The following EFCAB6 variants were observed in gnomAD, a reference collection of about 807,000 sequenced individuals.
EFCAB6 encodes EF-hand calcium binding domain 6.
A neutral mutation model predicts 169.8 loss-of-function variants in EFCAB6; 156 were observed. That is an observed-to-expected ratio of 0.92 (90% CI 0.81 to 1.05). EFCAB6 has a LOEUF of 1.05. Among genes scored for constraint, EFCAB6 ranks in the 50% least tolerant of loss-of-function variants. The pLI is 0.00. For missense variants in EFCAB6, 1,800 were observed against 1,829.1 expected (o/e 0.98, Z 0.29); for synonymous variants, 698 against 676.4 (o/e 1.03, Z -0.50).
At chr22:43,651,947 G>T (rs1392180291) in intron 17 of EFCAB6, among the ~76,000 whole-genome samples, 1 of 152,168 alleles carries the variant, frequency 6.6e-6, no homozygotes, top group East Asian at 1.9e-4. Context: ...CAACTAACTT[G>T]CTTTTGATTT....
At chr22:43,639,549 A>G (rs1012854655) in intron 17 of EFCAB6, among the ~76,000 whole-genome samples, 4 of 152,058 alleles carry the variant, frequency 2.6e-5, no homozygotes, top group Non-Finnish European at 5.9e-5. Flanking sequence ...CCCTGTTTGT[A>G]ATGTGTCATT....
chr22:43,657,509 T>C (rs1278984540), intron 17 of EFCAB6, among the ~76,000 whole-genome samples: 3 of 149,974 alleles, frequency 2.0e-5, no homozygotes, highest in African/African-American at 7.4e-5. Context: ...AAGAAAACAA[T>C]CACAAGGAGA....
intron 3 of EFCAB6, among the ~76,000 whole-genome samples, chr22:43,775,634 G>C (rs535071804): frequency 1.3e-5 from 2 of 152,302 alleles, no homozygotes; most frequent in African/African-American, 2.4e-5. Flanking sequence ...AATACAGACG[G>C]GGTTTCACTA....
intron 2 of EFCAB6, among the ~76,000 whole-genome samples, chr22:43,786,117 C>T (rs546474794): frequency 1.2e-4 from 19 of 152,160 alleles, no homozygotes; most frequent in African/African-American, 4.6e-4. Flanking sequence ...AATCCCAGCA[C>T]TTTGGGAGGC....
Position 43,572,757 on chromosome 22 carries a change from G to A in EFCAB6, c.3420+3540C>T, listed in dbSNP as rs1483441818. ...CCCAGCTGCTGCTGGAACCTGACATGTGACGGAGTCACTCACTCCTGCTCT... is the reference window on the plus strand; with the variant it reads ...CCCAGCTGCTGCTGGAACCTGACATATGACGGAGTCACTCACTCCTGCTCT... On this transcript the variant is annotated intron_variant, in intron 26 of 31. Transcript: ENST00000262726. This position sits in a 1 kb window ranked among gnomAD's most constrained non-coding sequence, Gnocchi z 4.0. 6.6e-6 allele frequency among the ~76,000 whole-genome samples: 1 copy of A among 152,224 alleles called. No homozygotes were observed. The highest frequency in any genetic ancestry group is 1.5e-5 in the Non-Finnish European group (1 of 68,044).
At chr22:43,649,251 T>C (rs541695707) in intron 17 of EFCAB6, among the ~76,000 whole-genome samples, 2 of 152,308 alleles carry the variant, frequency 1.3e-5, no homozygotes, top group South Asian at 2.1e-4. Context: ...AGGATGTAAA[T>C]AGGCAACTCA....
At position 43,537,830 on chromosome 22, in the gene EFCAB6, T is replaced by TGC. The variant is rs2047470303; in HGVS notation, c.3880-286_3880-285insGC. 1.1e-5 allele frequency among the ~76,000 whole-genome samples: 1 copy of TGC among 93,556 alleles called. No homozygotes were observed. The highest frequency in any genetic ancestry group is 2.4e-5 in the Non-Finnish European group (1 of 40,826). The allele number at this position is 93,556 out of a possible 152,430, so 61.4% of individuals were successfully genotyped here. The stretch of plus-strand genomic sequence containing the variant: ...AGATGAGATGTAAACATATTTCTGC[T>TGC]GTGTGTGTGTGTGTGTGAGAAGTGA... On this transcript the variant is annotated intron_variant, in intron 28 of 31. Transcript: ENST00000262726. The surrounding 1 kb of genome is among the most constrained non-coding windows in gnomAD (Gnocchi z 4.3).
rs753059649 is a variant in EFCAB6, at chr22:43,795,243, G to C, written c.-7-12918C>G. On this transcript the variant is annotated intron_variant, in intron 2 of 31. Transcript: ENST00000262726. This position sits in a 1 kb window ranked among gnomAD's most constrained non-coding sequence, Gnocchi z 4.2. ...CAGAACACGTTTAGGACAATGTCAA[G>C]AGAACAAGTACAGTGGGGCATACAC... Among the ~76,000 whole-genome samples, 2 of 152,190 alleles carry C rather than the reference G, an allele frequency of 1.3e-5. No individual in the cohort carries two copies. The highest frequency in any genetic ancestry group is 4.8e-5 in the African/African-American group (2 of 41,434).
chr22:43,656,664 G>A (rs545832668), intron 17 of EFCAB6, among the ~76,000 whole-genome samples: 11 of 152,138 alleles, frequency 7.2e-5, no homozygotes, highest in African/African-American at 2.7e-4. Context: ...TCTGTAGCCT[G>A]AAAGCAATAG....
intron 10 of EFCAB6, among the ~76,000 whole-genome samples, chr22:43,702,239 A>T (rs1264789188): frequency 1.3e-5 from 2 of 152,240 alleles, no homozygotes; most frequent in African/African-American, 4.8e-5. Context: ...TTGAGAGAAC[A>T]ATTTGGCAGT....
intron 26 of EFCAB6, among the ~76,000 whole-genome samples, chr22:43,569,383 C>T (rs2049681647): frequency 6.6e-6 from 1 of 152,208 alleles, no homozygotes; most frequent in South Asian, 2.1e-4. Context: ...GGAGGTGATC[C>T]ATATTAGTGC....
At chr22:43,631,405 A>T (rs980378631) in intron 19 of EFCAB6, among the ~76,000 whole-genome samples, 1 of 151,020 alleles carries the variant, frequency 6.6e-6, no homozygotes, top group Non-Finnish European at 1.5e-5. Flanking sequence ...CGCCACGCAC[A>T]CCTCCACCAC....
chr22:43,592,078 C>A (rs930686282), intron 23 of EFCAB6, among the ~76,000 whole-genome samples: 13 of 152,026 alleles, frequency 8.6e-5, no homozygotes, highest in Non-Finnish European at 1.5e-5. Context: ...ACTTGAGGTA[C>A]GTATTTGTGG....
intron 2 of EFCAB6, among the ~76,000 whole-genome samples, chr22:43,791,864 T>C (rs1304613841): frequency 2.0e-5 from 3 of 152,094 alleles, no homozygotes; most frequent in Non-Finnish European, 4.4e-5. Context: ...TTCTTCAAGA[T>C]GGGAGAATCA....
intron 9 of EFCAB6, among the ~76,000 whole-genome samples, chr22:43,713,235 A>G (rs374744779): frequency 2.0e-5 from 3 of 152,214 alleles, no homozygotes; most frequent in African/African-American, 7.2e-5. Context: ...CGTGATCTCT[A>G]TACGAGCAGA....
chr22:43,673,565 C>G (rs1014186824), intron 13 of EFCAB6, among the ~76,000 whole-genome samples: 3 of 152,128 alleles, frequency 2.0e-5, no homozygotes, highest in African/African-American at 7.2e-5. Flanking sequence ...CACCTGAGGT[C>G]AGGAGTTCGA....
intron 2 of EFCAB6, among the ~76,000 whole-genome samples, chr22:43,789,287 C>T (rs2062187120): frequency 6.6e-6 from 1 of 151,704 alleles, no homozygotes; most frequent in South Asian, 2.1e-4. Context: ...AATTATATCA[C>T]AATTAGAAAA....
In EFCAB6 at chr22:43,625,670, T is replaced by C. The variant is rs182622486; in HGVS notation, c.2465+777A>G. 2.0e-5 allele frequency among the ~76,000 whole-genome samples: 3 copies of C among 152,346 alleles called. No individual in the cohort carries two copies. In the East Asian group the frequency reaches 5.8e-4, roughly 29 times the overall value. On this transcript the variant is annotated intron_variant, in intron 20 of 31. Transcript: ENST00000262726. ...TGGGCAGGGGCCTAGGGGGCAGCAC[T>C]GCCCGGGGAGGGGCTGGAGGAGGTT...
intron 17 of EFCAB6, among the ~76,000 whole-genome samples, chr22:43,649,055 G>T (rs1448150996): frequency 6.6e-6 from 1 of 152,156 alleles, no homozygotes; most frequent in Non-Finnish European, 1.5e-5. Context: ...AGAGCTTTGG[G>T]AGCTGGGAGA....
Sources: gnomAD v4.1 joint callset for allele counts (sites outside exome capture counted in the v4.1 genomes callset) on GRCh38, gnomAD v4.1.1 for gene constraint, Gnocchi (gnomAD v3.1) non-coding constraint, MANE v1.5 for transcripts, NCBI Gene and HGNC (gene_info 2026-07-23, HGNC 2026-07-21) for gene names.